Variants in TLN2 observed in about 807,000 individuals in gnomAD.
The protein encoded by TLN2 is talin 2.
A neutral mutation model predicts 294.7 loss-of-function variants in TLN2; 118 were observed. That is an observed-to-expected ratio of 0.40 (90% CI 0.34 to 0.47). TLN2 has a LOEUF of 0.47. Among genes scored for constraint, TLN2 ranks in the 20% least tolerant of loss-of-function variants. TLN2 has a pLI of 0.84. For synonymous variants in TLN2, 1,431 were observed against 1,304.5 expected (o/e 1.10, Z -2.09); for missense variants, 3,083 against 3,282.2 (o/e 0.94, Z 1.48).
chr15:62,769,789 G>A (rs1399105910), intron 41 of TLN2, among the ~76,000 whole-genome samples: 1 of 152,070 alleles, frequency 6.6e-6, no homozygotes, highest in Non-Finnish European at 1.5e-5. Context: ...CTGGCTAAAG[G>A]TTTGATCTTA....
At chr15:62,400,998 C>T (rs1029916752) in intron 1 of TLN2, among the ~76,000 whole-genome samples, 12 of 151,838 alleles carry the variant, frequency 7.9e-5, no homozygotes, top group African/African-American at 2.4e-4. Flanking sequence ...CTATTTTTAG[C>T]AGAGACAGGG....
At chr15:62,696,910 A>G (rs28431778) in intron 14 of TLN2, among the ~76,000 whole-genome samples, 14,538 of 152,032 alleles carry the variant, frequency 0.096, 1,401 homozygotes, top group African/African-American at 0.25. Context: ...ATTTTCCCCT[A>G]GCTTCATTTC....
At position 62,717,621 on chromosome 15, in the gene TLN2, G is replaced by A; in HGVS notation, c.2809G>A (p.Ala937Thr). 3 of 1,603,438 alleles carry A rather than the reference G, an allele frequency of 1.9e-6. No homozygotes were observed. Among genetic ancestry groups the A allele is most frequent in the South Asian group, 1.1e-5 (1 of 88,910 alleles). ...AAAAATQTIA[A>T]SQNAAVSNKN... ...AGCGGCAGCCACACAGACCATCGCC[G>A]CCTCCCAGAATGCAGCTGTTTCCAA... The change falls in exon 24 of 59, where the codon GCC (alanine) becomes ACC (threonine). Residue 937 changes from alanine to threonine, a missense_variant. Physicochemically the swap from Ala to Thr is moderately conservative, Grantham distance 58. Coordinates refer to ENST00000636159, the MANE Select transcript of TLN2 (RefSeq NM_015059.3).
intron 48 of TLN2, among the ~76,000 whole-genome samples, chr15:62,799,376 G>A (rs2065766886): frequency 6.6e-6 from 1 of 152,224 alleles, no homozygotes; most frequent in South Asian, 2.1e-4. Context: ...GGAGCTACTG[G>A]ACTGGGAACG....
At chr15:62,751,913 AATG>A in intron 34 of TLN2, among the ~76,000 whole-genome samples, 1 of 152,238 alleles carries the variant, frequency 6.6e-6, no homozygotes. Context: ...TAACTAGACA[AATG>A]ATATCTGGAA....
chr15:62,794,345 A>G (rs1204653494), intron 46 of TLN2, among the ~76,000 whole-genome samples: 2 of 152,168 alleles, frequency 1.3e-5, no homozygotes, highest in Middle Eastern at 3.4e-3. Flanking sequence ...GATGGTGTGT[A>G]TAGTGTACCC....
chr15:62,819,197 G>A (rs929033639), intron 52 of TLN2, among the ~76,000 whole-genome samples: 4 of 152,116 alleles, frequency 2.6e-5, no homozygotes, highest in African/African-American at 9.7e-5. Flanking sequence ...TCAGGTGCAT[G>A]TGTGTGTTTT....
intron 3 of TLN2, among the ~76,000 whole-genome samples, chr15:62,620,181 A>C (rs1406239963): frequency 6.6e-6 from 1 of 152,030 alleles, no homozygotes; most frequent in East Asian, 1.9e-4. Flanking sequence ...GGGTCTTACT[A>C]TATTGCCGAG....
At position 62,464,451 on chromosome 15, in the gene TLN2, A is replaced by G. The variant is rs565806543; in HGVS notation, c.-238+73766A>G. 1.1e-4 allele frequency among the ~76,000 whole-genome samples: 17 copies of G among 152,262 alleles called. 1 individual carries two copies. The highest frequency in any genetic ancestry group is 3.9e-4 in the African/African-American group (16 of 41,550). On this transcript the variant is annotated intron_variant, in intron 1 of 58. Coordinates refer to ENST00000636159, the MANE Select transcript of TLN2 (RefSeq NM_015059.3). ...GATCGGGGGAGTGGGGAGGGATAGC[A>G]TTAGGAGAAATACCTAACGTAAATG...
intron 1 of TLN2, among the ~76,000 whole-genome samples, chr15:62,511,111 C>A (rs970851252): frequency 6.6e-6 from 1 of 152,210 alleles, no homozygotes; most frequent in Admixed American, 6.5e-5. Context: ...ATTGACCCCT[C>A]CTGTGGTTGT....
chr15:62,542,479 C>T (rs191965148), intron 1 of TLN2, among the ~76,000 whole-genome samples: 37 of 152,324 alleles, frequency 2.4e-4, no homozygotes, highest in African/African-American at 6.5e-4. Flanking sequence ...TGTGAGGCAT[C>T]GCGCCCGGCC....
At chr15:62,523,811 A>G (rs2040591834) in intron 1 of TLN2, among the ~76,000 whole-genome samples, 1 of 152,238 alleles carries the variant, frequency 6.6e-6, no homozygotes, top group Admixed American at 6.5e-5. Flanking sequence ...GGGCCACTTA[A>G]GTCAAAACCA....
intron 52 of TLN2, among the ~76,000 whole-genome samples, chr15:62,812,054 T>TAAAA (rs1555517257): frequency 1.3e-5 from 2 of 150,716 alleles, no homozygotes; most frequent in Admixed American, 6.6e-5. Context: ...AATAAATAAA[T>TAAAA]AAAATCTGCC....
At chr15:62,529,100 T>TG (rs1383053843) in intron 1 of TLN2, among the ~76,000 whole-genome samples, 2 of 149,620 alleles carry the variant, frequency 1.3e-5, no homozygotes, top group African/African-American at 5.1e-5. Flanking sequence ...AGGGCTTTTT[T>TG]TTTTTGTGTG....
intron 43 of TLN2, among the ~76,000 whole-genome samples, chr15:62,778,281 A>G (rs1228477279): frequency 2.0e-5 from 3 of 152,144 alleles, no homozygotes; most frequent in Non-Finnish European, 2.9e-5. Context: ...CATGCTGCAA[A>G]TGTGGACATT....
At position 62,690,557 on chromosome 15, in the gene TLN2, T is replaced by C. The variant is rs1270844386; in HGVS notation, c.1114-2283T>C. 716 of 150,864 alleles carry C rather than the reference T, an allele frequency of 4.7e-3. 11 individuals carry two copies. The highest frequency in any genetic ancestry group is 0.02 in the African/African-American group (593 of 29,144). The allele number at this position is 150,864 out of a possible 1,614,324, so 9.3% of individuals were successfully genotyped here. ...GGCAGCCAGGCAGAGGGGCTCCTCA[T>C]ATCCCAGACGATGGGCGGCCAGGCA... On this transcript the variant is annotated intron_variant, in intron 12 of 58. Coordinates refer to ENST00000636159, the MANE Select transcript of TLN2 (RefSeq NM_015059.3).
At chr15:62,443,965 G>A (rs1228295397) in intron 1 of TLN2, among the ~76,000 whole-genome samples, 1 of 152,192 alleles carries the variant, frequency 6.6e-6, no homozygotes, top group Non-Finnish European at 1.5e-5. Context: ...TCCTGCCTGG[G>A]TGACAGAGCA....
At chr15:62,621,391 A>G (rs2048816128) in intron 3 of TLN2, among the ~76,000 whole-genome samples, 4 of 152,230 alleles carry the variant, frequency 2.6e-5, no homozygotes, top group Admixed American at 2.6e-4. Context: ...AAGTCGATAC[A>G]CAGATACTGA....
intron 1 of TLN2, among the ~76,000 whole-genome samples, chr15:62,488,660 G>A (rs116832314): frequency 0.011 from 1,716 of 152,166 alleles, 28 homozygotes; most frequent in African/African-American, 0.04. Flanking sequence ...AAACATAAAC[G>A]GAAAGCCTTT....
Sources: allele counts gnomAD v4.1 joint callset (sites outside exome capture counted in the v4.1 genomes callset), GRCh38; gene constraint gnomAD v4.1.1; transcripts MANE v1.5; gene names NCBI Gene and HGNC (gene_info 2026-07-23, HGNC 2026-07-21).